The following PPP1R36 variants were observed in gnomAD, a reference collection of about 807,000 sequenced individuals.
PPP1R36 encodes the protein protein phosphatase 1 regulatory subunit 36.
PPP1R36 carries 47 observed loss-of-function variants against 53.4 expected under a neutral mutation model. That is an observed-to-expected ratio of 0.88 (90% CI 0.70 to 1.12). The LOEUF (loss-of-function observed/expected upper bound fraction) is 1.12. Ranked by LOEUF, PPP1R36 falls within the 50% of genes most tolerant of loss-of-function variation. The probability of loss-of-function intolerance (pLI) is 0.00; values close to 1 mark genes in which losing one functional copy is unlikely to be tolerated. For missense variants in PPP1R36, 456 were observed against 513.9 expected (o/e 0.89, Z 1.09); for synonymous variants, 153 against 170.5 (o/e 0.90, Z 0.80).
chr14:64,589,095 C>T, intron 11 of PPP1R36, 57 bp from the exon 12 acceptor site: 1 of 1,322,930 alleles, frequency 7.6e-7, no homozygotes, highest in Admixed American at 1.8e-5. Flanking sequence ...CAGTCTCAAC[C>T]CTGCACGTCA....
intron 3 of PPP1R36, among the ~76,000 whole-genome samples, chr14:64,560,554 C>CA (rs2080198794): frequency 6.6e-6 from 1 of 151,756 alleles, no homozygotes; most frequent in Non-Finnish European, 1.5e-5. Flanking sequence ...ACTCAGTTGA[C>CA]AGATGGCTAA....
At chr14:64,575,349 T>C (rs897770678) in intron 8 of PPP1R36, among the ~76,000 whole-genome samples, 4 of 152,252 alleles carry the variant, frequency 2.6e-5, no homozygotes, top group Non-Finnish European at 4.4e-5. Flanking sequence ...TGTTGGTATA[T>C]ACATTTTTGT....
intron 8 of PPP1R36, among the ~76,000 whole-genome samples, chr14:64,580,833 AT>A (rs2140245759): frequency 6.6e-6 from 1 of 152,352 alleles, no homozygotes; most frequent in South Asian, 2.1e-4. Flanking sequence ...TCATTTTAAC[AT>A]TCCACTTCTT....
rs182430207 is a variant in PPP1R36 at position 64,577,305 on chromosome 14, T to C, written c.668+2716T>C. On this transcript the variant is annotated intron_variant, in intron 8 of 11. Coordinates refer to ENST00000298705, the MANE Select transcript of PPP1R36 (RefSeq NM_172365.3). ...GGGAGTTAGTATTTCAACATATGAA[T>C]TTTGGGGGAACACAAACATTCAGCT... is the stretch of plus-strand genomic sequence containing the variant. Among the ~76,000 whole-genome samples the C allele has an allele frequency of 5.3e-4, 81 of 152,328 alleles. 1 individual carries two copies. The highest frequency in any genetic ancestry group is 3.4e-3 in the Middle Eastern group (1 of 294).
chr14:64,584,419 T>A (rs748152395), intron 8 of PPP1R36, among the ~76,000 whole-genome samples: 1 of 152,152 alleles, frequency 6.6e-6, no homozygotes, highest in African/African-American at 2.4e-5. Context: ...CAGGTGTTCA[T>A]GGTCTCTGGT....
rs1332566450 is a variant in PPP1R36 at position 64,565,509 on chromosome 14, A to G, written c.367+55A>G. 1.8e-5 allele frequency: 25 copies of G among 1,404,364 alleles called. No individual in the cohort carries two copies. In the East Asian group the frequency reaches 5.8e-4, roughly 32 times the overall value. The allele number at this position is 1,404,364 out of a possible 1,614,324, so 87.0% of individuals were successfully genotyped here. A position where few individuals can be genotyped will look rare whatever the true frequency, so the allele number is the denominator to read the frequency against. ...AACATACATCTGTACATACATACACATATCCATACATAAACATCCGCCCAT... is the reference window on the plus strand; with the variant it reads ...AACATACATCTGTACATACATACACGTATCCATACATAAACATCCGCCCAT... On this transcript the variant is annotated intron_variant, in intron 5 of 11. Transcript: ENST00000298705.
intron 4 of PPP1R36, 54 bp downstream of exon 4, chr14:64,564,891 T>C (rs1596732083): frequency 1.6e-6 from 2 of 1,223,040 alleles, no homozygotes; most frequent in Admixed American, 2.0e-5. Flanking sequence ...CTCAGTGGAA[T>C]GGCTTCAGCC....
At chr14:64,588,473 A>T (rs983954945) in intron 11 of PPP1R36, 178 bp downstream of exon 11, 3 of 527,740 alleles carry the variant, frequency 5.7e-6, no homozygotes, top group Non-Finnish European at 9.9e-6. Context: ...ATCTTGAGGT[A>T]CACCCATCTA....
chr14:64,583,136 C>A (rs1212680052), intron 8 of PPP1R36, among the ~76,000 whole-genome samples: 1 of 150,254 alleles, frequency 6.7e-6, no homozygotes, highest in Non-Finnish European at 1.5e-5. Context: ...TGGTCTTGAA[C>A]TCCTGAGCTC....
chr14:64,554,626 G>C (rs1159960842), intron 3 of PPP1R36, among the ~76,000 whole-genome samples: 1 of 152,218 alleles, frequency 6.6e-6, no homozygotes. Context: ...GCCAGGCTGA[G>C]GCAGAGGTGG....
At chr14:64,569,402 T>C (rs1343464181) in intron 7 of PPP1R36, among the ~76,000 whole-genome samples, 13 of 152,214 alleles carry the variant, frequency 8.5e-5, no homozygotes, top group Non-Finnish European at 1.5e-5. Context: ...AAAAACATCT[T>C]ATGGATAGAA....
chr14:64,554,144 T>TG (rs1371373314), intron 3 of PPP1R36, among the ~76,000 whole-genome samples: 1 of 129,532 alleles, frequency 7.7e-6, no homozygotes, highest in Non-Finnish European at 1.6e-5. Context: ...TCACAATTGT[T>TG]TTTTTTTTTT....
intron 8 of PPP1R36, among the ~76,000 whole-genome samples, chr14:64,585,799 A>G (rs2080428104): frequency 6.6e-6 from 1 of 152,232 alleles, no homozygotes; most frequent in Non-Finnish European, 1.5e-5. Flanking sequence ...GTGACTGATC[A>G]AGTGACTGCA....
In PPP1R36 at chr14:64,564,761, G is replaced by A. The variant is rs758848408; in HGVS notation, c.193G>A (p.Ala65Thr). The A allele has an allele frequency of 4.3e-6, 7 of 1,610,040 alleles. No individual in the cohort carries two copies. In the South Asian group the frequency reaches 6.6e-5, roughly 15 times the overall value. Residue 65 changes from alanine (A) to threonine (T), a missense_variant, in exon 4 of 12, where the codon GCA becomes ACA. Ala to Thr is a moderately conservative substitution (Grantham distance 58, BLOSUM62 0). Coordinates refer to ENST00000298705, the MANE Select transcript of PPP1R36 (RefSeq NM_172365.3). Reference protein sequence around the residue: ...LLKHHPHFTPAAEVKEKGKKG... With the variant: ...LLKHHPHFTPTAEVKEKGKKG... Reference sequence around the variant, plus strand: ...TCATTTTTATTGCAGTTTTACACCTGCAGCAGAAGTCAAGGAAAAAGGAAA... The same window carrying A: ...TCATTTTTATTGCAGTTTTACACCTACAGCAGAAGTCAAGGAAAAAGGAAA...
intron 3 of PPP1R36, among the ~76,000 whole-genome samples, chr14:64,561,183 T>G (rs769358892): frequency 6.6e-6 from 1 of 152,164 alleles, no homozygotes; most frequent in Non-Finnish European, 1.5e-5. Context: ...TAGGCCAACT[T>G]TTATACCCAC....
chr14:64,575,175 A>G (rs2080332554), intron 8 of PPP1R36, among the ~76,000 whole-genome samples: 1 of 151,982 alleles, frequency 6.6e-6, no homozygotes, highest in Non-Finnish European at 1.5e-5. Flanking sequence ...GAGTTTCACA[A>G]CAGGCCCCAG....
At chr14:64,561,872 A>G (rs993182182) in intron 3 of PPP1R36, 7 of 455,044 alleles carry the variant, frequency 1.5e-5, no homozygotes, top group Non-Finnish European at 2.6e-5. Flanking sequence ...ACATAAAACC[A>G]AGGAAACCCT....
At chr14:64,551,679 A>G (rs552365344) in intron 2 of PPP1R36, 11 of 456,166 alleles carry the variant, frequency 2.4e-5, no homozygotes, top group Admixed American at 4.7e-5. Context: ...AACCAAAGTC[A>G]TACAGCCAGT....
intron 3 of PPP1R36, among the ~76,000 whole-genome samples, chr14:64,556,389 C>T (rs957123293): frequency 2.2e-4 from 34 of 152,188 alleles, no homozygotes; most frequent in Middle Eastern, 3.4e-3. Flanking sequence ...AGGCATGAGC[C>T]ACTGTACCCT....
Sources: allele counts gnomAD v4.1 joint callset (sites outside exome capture counted in the v4.1 genomes callset), GRCh38; gene constraint gnomAD v4.1.1; transcripts MANE v1.5; gene names NCBI Gene and HGNC (gene_info 2026-07-23, HGNC 2026-07-21).